Variants in EHD1 observed in about 807,000 individuals in gnomAD.
The protein encoded by EHD1 is EH domain-containing protein 1.
EHD1 carries 19 observed loss-of-function variants against 39.0 expected under a neutral mutation model. The ratio of observed to expected loss-of-function variants is 0.49; its 90% CI spans 0.34 to 0.72. EHD1 has a LOEUF of 0.72. Ranked by LOEUF, EHD1 falls within the 30% of genes least tolerant of loss-of-function variation. The pLI, the probability that EHD1 is intolerant of heterozygous loss-of-function variation, is 0.01. For synonymous variants in EHD1, 323 were observed against 331.2 expected, an observed-to-expected ratio of 0.98 and a Z score of 0.27; for missense variants, 542 against 751.5, an observed-to-expected ratio of 0.72 and a Z score of 3.26.
chr11:64,872,642 T>C (rs1943842295), intron 2 of EHD1, among the ~76,000 whole-genome samples: 1 of 151,718 alleles, frequency 6.6e-6, no homozygotes, highest in African/African-American at 2.4e-5. Flanking sequence ...CCTTAACTCC[T>C]AGGTGCATCA....
intron 2 of EHD1, among the ~76,000 whole-genome samples, chr11:64,871,445 C>T (rs955024277): frequency 6.6e-6 from 1 of 152,216 alleles, no homozygotes; most frequent in Non-Finnish European, 1.5e-5. Context: ...CGGGGCTCAT[C>T]CTGGAGTTTA....
chr11:64,854,213 CGA>C lies in EHD1; in HGVS notation c.*118_*119del. On this transcript the variant is annotated 3_prime_UTR_variant, in exon 5 of 5. Coordinates refer to ENST00000320631, the MANE Select transcript of EHD1 (RefSeq NM_006795.4). ...AAAGAAAGATGGTGGTTTTCCTTTT[CGA>C]GAGGCGAGGAAACATCCGCTCAGTC... 7.0e-7 allele frequency: 1 copy of C among 1,425,010 alleles called. No individual in the cohort carries two copies. The highest frequency in any genetic ancestry group is 1.5e-5 in the South Asian group (1 of 67,786). The allele number at this position is 1,425,010 out of a possible 1,614,324, so 88.3% of individuals were successfully genotyped here.
intron 2 of EHD1, among the ~76,000 whole-genome samples, chr11:64,870,972 C>T (rs992300172): frequency 6.6e-6 from 1 of 152,220 alleles, no homozygotes; most frequent in Non-Finnish European, 1.5e-5. Flanking sequence ...TCAGGGGTCC[C>T]TGACAGAGCC....
At chr11:64,874,724 G>A (rs542144085) in intron 1 of EHD1, among the ~76,000 whole-genome samples, 1 of 152,220 alleles carries the variant, frequency 6.6e-6, no homozygotes, top group African/African-American at 2.4e-5. Context: ...GCAACCAGCA[G>A]GCTCAAACTG....
Position 64,878,489 on chromosome 11 carries a change from T to TGCGGG in EHD1, c.-30_-26dup. The TGCGGG allele has an allele frequency of 6.3e-7, 1 of 1,576,622 alleles. No individual in the cohort carries two copies. Among genetic ancestry groups the TGCGGG allele is most frequent in the Non-Finnish European group, 8.6e-7 (1 of 1,162,974 alleles). On this transcript the variant is annotated 5_prime_UTR_variant, in exon 1 of 5. Coordinates refer to ENST00000320631, the MANE Select transcript of EHD1 (RefSeq NM_006795.4). ...TACTGCCGGACACGGGGCTGGCTGC[T>TGCGGG]GCGGGGCAGAGCGGCGGCTGAGAGC...
At position 64,860,130 on chromosome 11, in the gene EHD1, T is replaced by G; in HGVS notation, c.709A>C (p.Met237Leu). Residue 237 changes from methionine to leucine, a missense_variant, in exon 3 of 5, where the codon ATG becomes CTG. Physicochemically the swap from Met to Leu is conservative, Grantham distance 15. Coordinates refer to ENST00000320631, the MANE Select transcript of EHD1 (RefSeq NM_006795.4). ...QQLMRVYGALMWSLGKIINTP... is the reference protein window; with the variant it reads ...QQLMRVYGALLWSLGKIINTP... ...TTGATGATCTTGCCCAGGGACCACA[T>G]GAGGGCCCCGTACACCCGCATCAGC... The G allele has an allele frequency of 6.2e-7, 1 of 1,614,140 alleles. No individual in the cohort carries two copies. Among genetic ancestry groups the G allele is most frequent in the Non-Finnish European group, 8.5e-7 (1 of 1,180,034 alleles).
upstream of EHD1, chr11:64,879,033 C>G: frequency 3.0e-6 from 3 of 997,076 alleles, no homozygotes; most frequent in Non-Finnish European, 3.6e-6. Context: ...CCGCCGTTCG[C>G]CACGTGCGGT....
At chr11:64,860,411 C>G in intron 2 of EHD1, 75 bp from the exon 3 acceptor site, 1 of 1,514,186 alleles carries the variant, frequency 6.6e-7, no homozygotes, top group South Asian at 1.3e-5. Context: ...TCCAACCTGG[C>G]CTGGTATTTC....
chr11:64,877,215 T>G (rs1943894389), intron 1 of EHD1, among the ~76,000 whole-genome samples: 1 of 152,174 alleles, frequency 6.6e-6, no homozygotes, highest in East Asian at 1.9e-4. Flanking sequence ...GCTTGGGCAT[T>G]GCACTCCTTG....
Position 64,854,279 on chromosome 11 carries a change from C to T in EHD1, c.*54G>A. On this transcript the variant is annotated 3_prime_UTR_variant, in exon 5 of 5. Coordinates refer to ENST00000320631, the MANE Select transcript of EHD1 (RefSeq NM_006795.4). The stretch of plus-strand genomic sequence containing the variant: ...AGAAATGGTGAGGCTTCCCCTCCCC[C>T]CGTCTCTGCCTCCCGGCCGGGCGTG... The T allele has an allele frequency of 6.5e-7, 1 of 1,535,518 alleles. No individual in the cohort carries two copies. Among genetic ancestry groups the T allele is most frequent in the South Asian group, 1.2e-5 (1 of 82,000 alleles).
chr11:64,855,131 C>CACATT, intron 4 of EHD1, 191 bp downstream of exon 4: 1 of 1,006,266 alleles, frequency 9.9e-7, no homozygotes, highest in Non-Finnish European at 1.4e-6. Context: ...GGGTGAGTCA[C>CACATT]CACATTCCCC....
intron 4 of EHD1, 22 bp from the exon 5 acceptor site, chr11:64,854,879 C>G (rs373045091): frequency 7.0e-5 from 112 of 1,591,782 alleles, no homozygotes; most frequent in Non-Finnish European, 9.2e-5. Context: ...GGAGGAAGGA[C>G]AAGGGCTGGG....
At chr11:64,871,955 A>C (rs988212793) in intron 2 of EHD1, among the ~76,000 whole-genome samples, 3 of 152,124 alleles carry the variant, frequency 2.0e-5, no homozygotes, top group Non-Finnish European at 4.4e-5. Context: ...CTGCAGATCC[A>C]CTGATATGGA....
At chr11:64,860,455 C>G in intron 2 of EHD1, 119 bp from the exon 3 acceptor site, 6 of 1,374,120 alleles carry the variant, frequency 4.4e-6, no homozygotes, top group Non-Finnish European at 5.8e-6. Flanking sequence ...TTCCTATAGG[C>G]CGGGCGTGGT....
intron 2 of EHD1, among the ~76,000 whole-genome samples, chr11:64,862,173 C>T (rs1490816531): frequency 6.6e-6 from 1 of 152,220 alleles, no homozygotes; most frequent in Admixed American, 6.5e-5. Flanking sequence ...TCCCAAAGTG[C>T]TGGGGTGACA....
At chr11:64,875,421 C>T (rs998922023) in intron 1 of EHD1, among the ~76,000 whole-genome samples, 2 of 152,124 alleles carry the variant, frequency 1.3e-5, no homozygotes, top group Non-Finnish European at 2.9e-5. Flanking sequence ...CATGGTGGCA[C>T]GCGCCTGTAG....
chr11:64,876,396 G>A (rs1158453338), intron 1 of EHD1, among the ~76,000 whole-genome samples: 2 of 152,210 alleles, frequency 1.3e-5, no homozygotes. Context: ...GGGCCCTTTC[G>A]GCAGGGCCAT....
At chr11:64,866,993 A>G (rs7117307) in intron 2 of EHD1, among the ~76,000 whole-genome samples, 61 of 152,272 alleles carry the variant, frequency 4.0e-4, no homozygotes, top group African/African-American at 1.4e-3. Flanking sequence ...AAGAGTGTCC[A>G]TTTGGGAAGT....
chr11:64,858,886 G>A (rs985345721), intron 3 of EHD1, among the ~76,000 whole-genome samples: 1 of 152,244 alleles, frequency 6.6e-6, no homozygotes, highest in Non-Finnish European at 1.5e-5. Flanking sequence ...GCTGCCAGGA[G>A]ACCTAAGGAT....
Sources: allele counts gnomAD v4.1 joint callset (sites outside exome capture counted in the v4.1 genomes callset), GRCh38; gene constraint gnomAD v4.1.1; transcripts MANE v1.5; gene names NCBI Gene and HGNC (gene_info 2026-07-23, HGNC 2026-07-21).